PHLDB1: variants seen among roughly 807,000 people sequenced by gnomAD.
PHLDB1 encodes pleckstrin homology like domain family B member 1, also known as pleckstrin homology-like domain family B member 1.
In PHLDB1, 65 loss-of-function variants were observed where a neutral mutation model predicts 139.3. That is an observed-to-expected ratio of 0.47 (90% CI 0.38 to 0.57). The LOEUF (loss-of-function observed/expected upper bound fraction) is 0.57. PHLDB1 is among the 20% of genes least tolerant of loss of function. The pLI is 0.00. For missense variants in PHLDB1, 1,624 were observed against 1,839.7 expected, an observed-to-expected ratio of 0.88 and a Z score of 2.14; for synonymous variants, 679 against 734.5, an observed-to-expected ratio of 0.92 and a Z score of 1.22.
chr11:118,620,866 G>A lies in PHLDB1; in HGVS notation c.356-4068G>A, dbSNP rs1255874566. ...GACCTTGTTACAGTGGCAGCCTGAGGGCCAGAGCAGGACCCAGTGACCTAG... is the reference window on the plus strand; with the variant it reads ...GACCTTGTTACAGTGGCAGCCTGAGAGCCAGAGCAGGACCCAGTGACCTAG... On this transcript the variant is annotated intron_variant, in intron 4 of 22. Coordinates refer to ENST00000600882, the MANE Select transcript of PHLDB1 (RefSeq NM_001144758.3). The surrounding 1 kb of genome is among the most constrained non-coding windows in gnomAD (Gnocchi z 4.1). 6.6e-6 allele frequency among the ~76,000 whole-genome samples: 1 copy of A among 152,144 alleles called. No homozygotes were observed. Among genetic ancestry groups the A allele is most frequent in the East Asian group, 1.9e-4 (1 of 5,194 alleles).
intron 13 of PHLDB1, 41 bp downstream of exon 13, chr11:118,642,435 C>A: frequency 6.3e-7 from 1 of 1,587,702 alleles, no homozygotes; most frequent in Non-Finnish European, 8.5e-7. Flanking sequence ...AGCCTTTGCA[C>A]CTGTCCACTC....
chr11:118,625,301 G>T (rs1943664752), intron 5 of PHLDB1, among the ~76,000 whole-genome samples: 1 of 152,224 alleles, frequency 6.6e-6, no homozygotes, highest in Admixed American at 6.5e-5. Context: ...AGCTCTGCCA[G>T]CTTGTACCCC....
At position 118,635,448 on chromosome 11, in the gene PHLDB1, A is replaced by G; in HGVS notation, c.2435A>G (p.Gln812Arg). The change falls in exon 10 of 23, where the codon CAG (glutamine) becomes CGG (arginine). Residue 812 changes from glutamine to arginine, a missense_variant. Transcript: ENST00000600882. ...CTCTTTGAGGACTTGGAGTTCCAGC[A>G]GTTGGAGCGGGAGAGCCGCGTGGAG... is the stretch of plus-strand genomic sequence containing the variant. ...TKLFEDLEFQ[Q>R]LERESRVEEE... 1 of 1,612,190 alleles carries G rather than the reference A, an allele frequency of 6.2e-7. No homozygotes were observed. The highest frequency in any genetic ancestry group is 8.5e-7 in the Non-Finnish European group (1 of 1,179,324).
In PHLDB1 at chr11:118,628,025, G is replaced by T. The variant is rs782543582; in HGVS notation, c.1202G>T (p.Arg401Leu). 2.5e-6 allele frequency: 4 copies of T among 1,613,732 alleles called. No individual in the cohort carries two copies. The highest frequency in any genetic ancestry group is 2.2e-5 in the East Asian group (1 of 44,870). The change falls in exon 6 of 23, where the codon CGC (arginine) becomes CTC (leucine). Residue 401 changes from arginine (R) to leucine (L), a missense_variant. Coordinates refer to ENST00000600882, the MANE Select transcript of PHLDB1 (RefSeq NM_001144758.3). Reference sequence around the variant, plus strand: ...AACAAGATTGGCACACTCCAGGACCGCCCTCCCAGCCCTTTCCGTGAGCCT... The same window carrying T: ...AACAAGATTGGCACACTCCAGGACCTCCCTCCCAGCCCTTTCCGTGAGCCT... Reference protein sequence around the residue: ...PRNKIGTLQDRPPSPFREPPG... With the variant: ...PRNKIGTLQDLPPSPFREPPG...
rs1342179569 is a variant in PHLDB1, at chr11:118,650,335, TGAG to T, written c.3772-106_3772-104del. 2.0e-6 allele frequency: 2 copies of T among 992,424 alleles called. No individual in the cohort carries two copies. The highest frequency in any genetic ancestry group is 1.7e-5 in the Admixed American group (1 of 58,772). 61.5% of individuals were successfully genotyped at this position (992,424 alleles called of 1,614,324 possible). A position where few individuals can be genotyped will look rare whatever the true frequency, so the allele number is the denominator to read the frequency against. ...TGTCCCAGGACCTGGTGTGCTGGCCTGAGGAGATGTTGGGGACAATCCCCCATG... is the reference window on the plus strand; with the variant it reads ...TGTCCCAGGACCTGGTGTGCTGGCCTGAGATGTTGGGGACAATCCCCCATG... On this transcript the variant is annotated intron_variant, in intron 19 of 22. Transcript: ENST00000600882. This position sits in a 1 kb window ranked among gnomAD's most constrained non-coding sequence, Gnocchi z 4.7.
rs1940366804 is a variant in PHLDB1 at position 118,611,733 on chromosome 11, G to T, written c.-21-2083G>T. On this transcript the variant is annotated intron_variant, in intron 1 of 22. Transcript: ENST00000600882. This position sits in a 1 kb window ranked among gnomAD's most constrained non-coding sequence, Gnocchi z 4.7. The stretch of plus-strand genomic sequence containing the variant: ...AGCTGGGCTTGGTGGCAGGAGAATC[G>T]CTTGAACCCGGGAGGTGGAGGTTGC... Among the ~76,000 whole-genome samples, 1 of 151,718 alleles carries T rather than the reference G, an allele frequency of 6.6e-6. No individual in the cohort carries two copies. The highest frequency in any genetic ancestry group is 2.4e-5 in the African/African-American group (1 of 41,288).
chr11:118,635,190 G>T, intron 9 of PHLDB1: 2 of 636,090 alleles, frequency 3.1e-6, no homozygotes, highest in East Asian at 2.8e-5. Context: ...GGAGGGAACC[G>T]GGAAGGTTGG....
rs1482888369 is a variant in PHLDB1 at position 118,610,833 on chromosome 11, C to T, written c.-21-2983C>T. ...GGGGGAGGAGGCCGAGGGCCCGGGC[C>T]GGGGTCACCTGCCGGCGCCCCGGCC... On this transcript the variant is annotated intron_variant, in intron 1 of 22. Coordinates refer to ENST00000600882, the MANE Select transcript of PHLDB1 (RefSeq NM_001144758.3). This position sits in a 1 kb window ranked among gnomAD's most constrained non-coding sequence, Gnocchi z 8.7. Among the ~76,000 whole-genome samples the T allele has an allele frequency of 2.0e-5, 3 of 152,194 alleles. No individual in the cohort carries two copies. The highest frequency in any genetic ancestry group is 2.9e-5 in the Non-Finnish European group (2 of 68,018).
intron 7 of PHLDB1, 96 bp from the exon 8 acceptor site, chr11:118,631,817 C>T (rs1206649494): frequency 3.6e-6 from 5 of 1,397,042 alleles, no homozygotes; most frequent in Non-Finnish European, 4.9e-6. Context: ...TCCAGCTATT[C>T]CTCAGCAAGT....
At chr11:118,641,747 C>T in intron 12 of PHLDB1, 2 of 1,289,872 alleles carry the variant, frequency 1.6e-6, no homozygotes, top group South Asian at 2.5e-5. Context: ...CCCATGCTGC[C>T]CTCCTCCTCG....
intron 1 of PHLDB1, among the ~76,000 whole-genome samples, chr11:118,612,821 C>T (rs1034266253): frequency 9.8e-5 from 15 of 152,316 alleles, no homozygotes; most frequent in South Asian, 2.1e-4. Flanking sequence ...CTGGGTCTGC[C>T]TCCTTACCCC....
At position 118,645,701 on chromosome 11, in the gene PHLDB1, C is replaced by T. The variant is rs1555127293; in HGVS notation, c.3417-34C>T. 6.2e-7 allele frequency: 1 copy of T among 1,611,758 alleles called. No individual in the cohort carries two copies. The highest frequency in any genetic ancestry group is 1.7e-5 in the Admixed American group (1 of 60,034). On this transcript the variant is annotated intron_variant, in intron 16 of 22. Coordinates refer to ENST00000600882, the MANE Select transcript of PHLDB1 (RefSeq NM_001144758.3). The surrounding 1 kb of genome is among the most constrained non-coding windows in gnomAD (Gnocchi z 5.1). ...CCTCCCTCAGCCACCGCCTCAGCTC[C>T]TTGATGCACTTCCTCTTCCCCTTCT...
At chr11:118,612,684 T>C (rs1940718014) in intron 1 of PHLDB1, among the ~76,000 whole-genome samples, 2 of 152,196 alleles carry the variant, frequency 1.3e-5, no homozygotes, top group South Asian at 2.1e-4. Context: ...AGTAACACCA[T>C]AGCTAAGGTC....
At chr11:118,623,260 CA>C (rs1943174043) in intron 4 of PHLDB1, among the ~76,000 whole-genome samples, 1 of 151,930 alleles carries the variant, frequency 6.6e-6, no homozygotes, top group South Asian at 2.1e-4. Flanking sequence ...GGGGTGTGGA[CA>C]AATTGGAAGG....
chr11:118,613,705 G>A, intron 1 of PHLDB1, 111 bp from the exon 2 acceptor site: 1 of 658,930 alleles, frequency 1.5e-6, no homozygotes, highest in Non-Finnish European at 2.6e-6. Context: ...AGCATTTGGG[G>A]AATGATGGTG....
chr11:118,638,957 C>T lies in PHLDB1; in HGVS notation c.2602C>T (p.Arg868Cys), dbSNP rs201075102. ...IRAQAVQESERLARDKNASLQ... is the reference protein window; with the variant it reads ...IRAQAVQESECLARDKNASLQ... The stretch of plus-strand genomic sequence containing the variant: ...GGCTCAGGCCGTGCAGGAATCAGAA[C>T]GCCTGGCCCGGGACAAGAATGCCTC... Residue 868 changes from arginine (R) to cysteine (C), a missense_variant, in exon 11 of 23, where the codon CGC (arginine) becomes TGC (cysteine). Physicochemically the swap from Arg to Cys is radical, Grantham distance 180. Coordinates refer to ENST00000600882, the MANE Select transcript of PHLDB1 (RefSeq NM_001144758.3). 33 of 1,613,766 alleles carry T rather than the reference C, an allele frequency of 2.0e-5. No homozygotes were observed. The highest frequency in any genetic ancestry group is 2.7e-5 in the African/African-American group (2 of 75,036).
At position 118,620,224 on chromosome 11, in the gene PHLDB1, G is replaced by A. The variant is rs782472309; in HGVS notation, c.355+4013G>A. 1.6e-4 allele frequency among the ~76,000 whole-genome samples: 24 copies of A among 152,250 alleles called. No individual in the cohort carries two copies. The highest frequency in any genetic ancestry group is 1.0e-4 in the Non-Finnish European group (7 of 68,054). ...AATACCTGACTGGGCCGGGTGCAGT[G>A]GCTCACGCCTGTAATCCCAACACTT... On this transcript the variant is annotated intron_variant, in intron 4 of 22. Coordinates refer to ENST00000600882, the MANE Select transcript of PHLDB1 (RefSeq NM_001144758.3). This position sits in a 1 kb window ranked among gnomAD's most constrained non-coding sequence, Gnocchi z 4.1.
chr11:118,632,602 A>C lies in PHLDB1; in HGVS notation c.2379+306A>C. 1 of 395,932 alleles carries C rather than the reference A, an allele frequency of 2.5e-6. No homozygotes were observed. The highest frequency in any genetic ancestry group is 3.8e-5 in the Admixed American group (1 of 26,016). The allele number at this position is 395,932 out of a possible 1,614,324, so 24.5% of individuals were successfully genotyped here. ...GAAGTGCCAAAGCCCCTTCTTGGGCAGTGAGCACAGCCCAAGGGACTGACA... is the reference window on the plus strand; with the variant it reads ...GAAGTGCCAAAGCCCCTTCTTGGGCCGTGAGCACAGCCCAAGGGACTGACA... On this transcript the variant is annotated intron_variant, in intron 9 of 22. Transcript: ENST00000600882. This position sits in a 1 kb window ranked among gnomAD's most constrained non-coding sequence, Gnocchi z 5.9.
Position 118,645,482 on chromosome 11 carries a change from TC to T in PHLDB1, c.3254del (p.Pro1085LeufsTer28). ...CCCTTCCCAGCGGGCCCCTCGGGCT[TC>T]CCCCCTCTCATGCACCACTCTATCC... ...AAPFPAGPSGFPPLMHHSILH... is the reference protein window; with the variant it reads ...AAPFPAGPSGXPPLMHHSILH... On this transcript the variant is annotated frameshift_variant, in exon 16 of 23. Transcript: ENST00000600882. LOFTEE classifies it high-confidence loss of function. The surrounding 1 kb of genome is among the most constrained non-coding windows in gnomAD (Gnocchi z 5.1). The T allele has an allele frequency of 1.2e-6, 2 of 1,611,680 alleles. No individual in the cohort carries two copies. The highest frequency in any genetic ancestry group is 1.3e-5 in the African/African-American group (1 of 74,954).
Sources: allele counts gnomAD v4.1 joint callset (sites outside exome capture counted in the v4.1 genomes callset), GRCh38; gene constraint gnomAD v4.1.1; non-coding constraint Gnocchi (gnomAD v3.1); transcripts MANE v1.5; gene names NCBI Gene and HGNC (gene_info 2026-07-23, HGNC 2026-07-21).